Variants in PPFIA4 observed in about 807,000 individuals in gnomAD.
PPFIA4 encodes the protein liprin-alpha-4.
In PPFIA4, 98 loss-of-function variants were observed where a neutral mutation model predicts 145.7. The observed-to-expected ratio is 0.67, with a 90% confidence interval of 0.57 to 0.80. The LOEUF (loss-of-function observed/expected upper bound fraction) is 0.80, where lower values mean the gene tolerates loss of function less well. Ranked by LOEUF, PPFIA4 falls within the 30% of genes least tolerant of loss-of-function variation. The probability of loss-of-function intolerance (pLI) is 0.00; values close to 1 mark genes in which losing one functional copy is unlikely to be tolerated. For missense variants in PPFIA4, 1,457 were observed against 1,632.7 expected, an observed-to-expected ratio of 0.89 and a Z score of 1.85; for synonymous variants, 628 against 649.6, an observed-to-expected ratio of 0.97 and a Z score of 0.51.
chr1:203,068,321 T>C lies in PPFIA4; in HGVS notation c.3149-132T>C. On this transcript the variant is annotated intron_variant, in intron 26 of 29. Coordinates refer to ENST00000295706, the MANE Select transcript of PPFIA4 (RefSeq NM_001304331.2). This position sits in a 1 kb window ranked among gnomAD's most constrained non-coding sequence, Gnocchi z 4.7. ...AGGAGAGAAAGAAGATATGGAAATTTAGGGATGGAGTGGGGGTCAGAGAGC... is the reference window on the plus strand; with the variant it reads ...AGGAGAGAAAGAAGATATGGAAATTCAGGGATGGAGTGGGGGTCAGAGAGC... The C allele has an allele frequency of 1.3e-6, 1 of 762,654 alleles. No individual in the cohort carries two copies. The highest frequency in any genetic ancestry group is 2.0e-6 in the Non-Finnish European group (1 of 511,220). The allele number at this position is 762,654 out of a possible 1,614,324, so 47.2% of individuals were successfully genotyped here.
At chr1:203,045,678 G>C in intron 7 of PPFIA4, 119 bp downstream of exon 7, 2 of 1,450,918 alleles carry the variant, frequency 1.4e-6, no homozygotes, top group South Asian at 1.4e-5. Flanking sequence ...TCCATTGTTG[G>C]GGGGCGGTCA....
chr1:203,075,429 C>G lies in PPFIA4; in HGVS notation c.3394-148C>G. The G allele has an allele frequency of 1.8e-6, 1 of 543,024 alleles. No individual in the cohort carries two copies. Among genetic ancestry groups the G allele is most frequent in the Non-Finnish European group, 2.8e-6 (1 of 355,742 alleles). The allele number at this position is 543,024 out of a possible 1,614,324, so 33.6% of individuals were successfully genotyped here. On this transcript the variant is annotated intron_variant, in intron 28 of 29. Coordinates refer to ENST00000295706, the MANE Select transcript of PPFIA4 (RefSeq NM_001304331.2). The surrounding 1 kb of genome is among the most constrained non-coding windows in gnomAD (Gnocchi z 4.1). ...ACTGTACAGATGGAAAAACTCAAGG[C>G]TAGAAAGGGGAAGTGACCTCGCTCC...
At position 203,061,668 on chromosome 1, in the gene PPFIA4, G is replaced by A; in HGVS notation, c.2864G>A (p.Ser955Asn). ...TCCTGCTAGGACAGTGAGGAGGGCAGCTGGGCTCAGGTAAGACTCCCTACC... is the reference window on the plus strand; with the variant it reads ...TCCTGCTAGGACAGTGAGGAGGGCAACTGGGCTCAGGTAAGACTCCCTACC... ...TSTKTDSEEGSWAQTLAYGDM... is the reference protein window; with the variant it reads ...TSTKTDSEEGNWAQTLAYGDM... Residue 955 changes from serine (S) to asparagine (N), a missense_variant, in exon 24 of 30, where the codon AGC becomes AAC. By Grantham distance (46) the Ser-to-Asn change is conservative (BLOSUM62 1). This residue lies in a region of PPFIA4 where 848 missense variants were observed against 1,046.7 expected (regional missense o/e 0.81). Coordinates refer to ENST00000295706, the MANE Select transcript of PPFIA4 (RefSeq NM_001304331.2). 6.4e-7 allele frequency: 1 copy of A among 1,566,210 alleles called. No homozygotes were observed. The highest frequency in any genetic ancestry group is 8.7e-7 in the Non-Finnish European group (1 of 1,155,222).
chr1:203,078,674 T>TGTGG lies in PPFIA4; in HGVS notation c.*2292_*2295dup, dbSNP rs1446827072. 5 of 151,418 alleles carry TGTGG rather than the reference T, an allele frequency of 3.3e-5. No homozygotes were observed. Among genetic ancestry groups the TGTGG allele is most frequent in the Non-Finnish European group, 5.9e-5 (4 of 67,876 alleles). The allele number at this position is 151,418 out of a possible 1,614,324, so 9.4% of individuals were successfully genotyped here. On this transcript the variant is annotated 3_prime_UTR_variant, in exon 30 of 30. Coordinates refer to ENST00000295706, the MANE Select transcript of PPFIA4 (RefSeq NM_001304331.2). ...CATCAGGAATGGGTGTATGGGTGTG[T>TGTGG]GTGGGTGGGTGTGAGTGTGGGTGTG...
chr1:203,062,325 A>G (rs563406846), intron 24 of PPFIA4, among the ~76,000 whole-genome samples: 83 of 151,466 alleles, frequency 5.5e-4, no homozygotes, highest in Non-Finnish European at 1.1e-3. Context: ...AAAATACAAA[A>G]AAAAAATAGC....
chr1:203,060,383 T>G lies in PPFIA4; in HGVS notation c.2750T>G (p.Leu917Trp). The change falls in exon 22 of 30, where the codon TTG (leucine) becomes TGG (tryptophan). Residue 917 changes from leucine (L) to tryptophan (W), a missense_variant. By Grantham distance (61) the Leu-to-Trp change is moderately conservative. Around this residue, in one of 3 missense-constraint regions of PPFIA4, gnomAD observed 848 missense variants for 1,046.7 expected, o/e 0.81. Transcript: ENST00000295706. The surrounding 1 kb of genome is among the most constrained non-coding windows in gnomAD (Gnocchi z 4.8). ...CTGGCCATTCAGGAGATGGTGTCAT[T>G]GACCAGCCCCTCTGCCCCACCCACC... ...LRLAIQEMVSLTSPSAPPTSR... is the reference protein window; with the variant it reads ...LRLAIQEMVSWTSPSAPPTSR... The G allele has an allele frequency of 6.2e-7, 1 of 1,613,866 alleles. No individual in the cohort carries two copies.
At chr1:203,046,085 G>T in intron 8 of PPFIA4, 98 bp downstream of exon 8, 4 of 1,569,990 alleles carry the variant, frequency 2.5e-6, no homozygotes, top group Non-Finnish European at 3.5e-6. Flanking sequence ...CTGGGGTCCT[G>T]CAGGTCACCC....
chr1:203,064,297 C>A (rs369034802), intron 25 of PPFIA4, among the ~76,000 whole-genome samples: 3 of 152,096 alleles, frequency 2.0e-5, no homozygotes, highest in African/African-American at 7.2e-5. Flanking sequence ...GAGATTTTTC[C>A]CCAGGTCTGA....
At chr1:203,050,343 C>T (rs754685444) in intron 13 of PPFIA4, among the ~76,000 whole-genome samples, 2 of 152,180 alleles carry the variant, frequency 1.3e-5, no homozygotes, top group Non-Finnish European at 2.9e-5. Flanking sequence ...TAGGGAACCT[C>T]GGGATTTCCC....
intron 23 of PPFIA4, 56 bp from the exon 24 acceptor site, chr1:203,061,596 G>T: frequency 2.0e-6 from 3 of 1,528,498 alleles, no homozygotes; most frequent in Non-Finnish European, 2.6e-6. Flanking sequence ...GGGTAGAGCT[G>T]ATGGGTTTCT....
chr1:203,034,930 C>A, intron 1 of PPFIA4: 3 of 345,522 alleles, frequency 8.7e-6, no homozygotes, highest in South Asian at 6.4e-5. Flanking sequence ...GGTTACATGA[C>A]GTTGCATCTC....
At chr1:203,044,599 G>T in intron 5 of PPFIA4, 97 bp from the exon 6 acceptor site, 2 of 1,405,966 alleles carry the variant, frequency 1.4e-6, no homozygotes, top group South Asian at 2.8e-5. Context: ...CTTTCTAGGA[G>T]ACATTTTTTA....
intron 27 of PPFIA4, among the ~76,000 whole-genome samples, chr1:203,070,955 GT>G (rs11323394): frequency 0.37 from 52,858 of 143,790 alleles, 9,732 homozygotes; most frequent in African/African-American, 0.45. Context: ...CCACTTTTTT[GT>G]TTTTTTTTTT....
At chr1:203,052,633 A>G (rs150502517) in intron 14 of PPFIA4, among the ~76,000 whole-genome samples, 193 of 152,190 alleles carry the variant, frequency 1.3e-3, no homozygotes, top group Admixed American at 2.3e-3. Context: ...TTCTGTTTAT[A>G]AGAATATAGC....
chr1:203,038,255 C>CTG (rs1253153182), intron 1 of PPFIA4, among the ~76,000 whole-genome samples: 2 of 152,206 alleles, frequency 1.3e-5, no homozygotes, highest in Non-Finnish European at 2.9e-5. Context: ...TCCCCTCCAA[C>CTG]CCCCAGGTCT....
intron 2 of PPFIA4, among the ~76,000 whole-genome samples, chr1:203,039,975 A>G (rs1275950876): frequency 6.6e-6 from 1 of 152,126 alleles, no homozygotes; most frequent in Non-Finnish European, 1.5e-5. Flanking sequence ...TCACCACTGC[A>G]CCTATTTCTC....
chr1:203,074,168 G>A (rs1198359708), intron 28 of PPFIA4, among the ~76,000 whole-genome samples: 3 of 152,172 alleles, frequency 2.0e-5, no homozygotes, highest in African/African-American at 4.8e-5. Context: ...ATGATGCTTA[G>A]CTACGGGGAT....
At chr1:203,033,008 G>A (rs1658960272) in intron 1 of PPFIA4, among the ~76,000 whole-genome samples, 1 of 152,314 alleles carries the variant, frequency 6.6e-6, no homozygotes, top group South Asian at 2.1e-4. Context: ...AGGCCCAGGG[G>A]AGCCTGTCTG....
Position 203,053,871 on chromosome 1 carries a change from C to T in PPFIA4, c.1739C>T (p.Ala580Val), listed in dbSNP as rs1172001787. Residue 580 changes from alanine (A) to valine (V), a missense_variant, in exon 15 of 30, where the codon GCG (alanine) becomes GTG (valine). By Grantham distance (64) the Ala-to-Val change is moderately conservative (BLOSUM62 0). Transcript: ENST00000295706. ...GAGCCAGGGGGTCTGGTGGGCTCTG[C>T]GGATGTTGTCTCCCCCAGCGGCCAC... ...EDEPGGLVGS[A>V]DVVSPSGHSD... 1.9e-5 allele frequency: 30 copies of T among 1,559,258 alleles called. No individual in the cohort carries two copies. The highest frequency in any genetic ancestry group is 5.9e-5 in the South Asian group (5 of 84,470).
Sources: gnomAD v4.1 joint callset for allele counts (sites outside exome capture counted in the v4.1 genomes callset) on GRCh38, gnomAD v4.1.1 for gene constraint, gnomAD v4.1.1 regional missense constraint, Gnocchi (gnomAD v3.1) non-coding constraint, MANE v1.5 for transcripts, NCBI Gene and HGNC (gene_info 2026-07-23, HGNC 2026-07-21) for gene names.